SHISA9: variants seen among roughly 807,000 people sequenced by gnomAD.
SHISA9 encodes protein shisa-9.
Under a neutral mutation model 38.0 loss-of-function variants are expected in SHISA9, and 13 were observed. The observed-to-expected ratio is 0.34, with a 90% CI of 0.22 to 0.54. SHISA9 has a LOEUF of 0.54. Ranked by LOEUF, SHISA9 falls within the 20% of genes least tolerant of loss-of-function variation. The pLI is 0.91. For synonymous variants in SHISA9, 275 were observed against 242.0 expected (o/e 1.14, Z -1.27); for missense variants, 538 against 575.8 (o/e 0.93, Z 0.67).
At chr16:13,427,563 G>A in the SHISA9 span, among the ~76,000 whole-genome samples, 6 of 152,222 alleles carry the variant, frequency 3.9e-5, no homozygotes, top group African/African-American at 1.4e-4. Flanking sequence ...GGCTTGAGTT[G>A]AATGATGAAA....
intron 2 of SHISA9, among the ~76,000 whole-genome samples, chr16:12,996,078 T>C (rs1302401413): frequency 6.6e-6 from 1 of 152,208 alleles, no homozygotes; most frequent in Non-Finnish European, 1.5e-5. Flanking sequence ...AAAGGGGTGA[T>C]GTACACGTGC....
chr16:13,028,839 C>T (rs1824651633), intron 2 of SHISA9, among the ~76,000 whole-genome samples: 1 of 152,126 alleles, frequency 6.6e-6, no homozygotes, highest in Non-Finnish European at 1.5e-5. Context: ...TGGTGAAATT[C>T]TCTGATCGGT....
chr16:13,343,323 G>C, the SHISA9 span, among the ~76,000 whole-genome samples: 2 of 152,074 alleles, frequency 1.3e-5, no homozygotes, highest in Admixed American at 6.6e-5. Flanking sequence ...CTTAACATGT[G>C]ATCTCAATCT....
chr16:13,464,135 G>C, the SHISA9 span, among the ~76,000 whole-genome samples: 10 of 152,282 alleles, frequency 6.6e-5, no homozygotes, highest in African/African-American at 2.4e-4. Flanking sequence ...GGCATAATTA[G>C]ATTAACTCTG....
intron 2 of SHISA9, among the ~76,000 whole-genome samples, chr16:13,173,861 A>C (rs745375473): frequency 1.3e-5 from 2 of 152,194 alleles, no homozygotes; most frequent in African/African-American, 2.4e-5. Context: ...CATCTCACCC[A>C]GCTTGGAGGT....
rs1312507854 is a variant in SHISA9 at position 13,237,662 on chromosome 16, AAAAAAAAAAG to A, written c.*2265_*2274del. ...ACGGAGTGAGACTATCTCAAAAAAA[AAAAAAAAAAG>A]AAAAAAAAAGAGATCTTTCAAAGAA... On this transcript the variant is annotated 3_prime_UTR_variant, in exon 5 of 5. Transcript: ENST00000558583. The A allele has an allele frequency of 6.6e-6, 1 of 151,124 alleles. No individual in the cohort carries two copies. The highest frequency in any genetic ancestry group is 2.4e-5 in the African/African-American group (1 of 41,250). 9.4% of individuals were successfully genotyped at this position (151,124 alleles called of 1,614,324 possible).
chr16:13,389,043 G>A, the SHISA9 span, among the ~76,000 whole-genome samples: 18 of 151,986 alleles, frequency 1.2e-4, no homozygotes, highest in African/African-American at 3.6e-4. Context: ...CCACCAGAGC[G>A]GCACGTCTGC....
chr16:13,191,176 A>T (rs1031599009), intron 2 of SHISA9, among the ~76,000 whole-genome samples: 1 of 152,232 alleles, frequency 6.6e-6, no homozygotes, highest in Non-Finnish European at 1.5e-5. Context: ...AAGGTTAGAA[A>T]GAAAAACAGT....
chr16:13,211,560 C>A (rs1025647553), intron 3 of SHISA9, among the ~76,000 whole-genome samples: 1 of 152,180 alleles, frequency 6.6e-6, no homozygotes, highest in Admixed American at 6.5e-5. Flanking sequence ...CTTAGGTCTA[C>A]TTCCTCTTCA....
the SHISA9 span, among the ~76,000 whole-genome samples, chr16:13,558,776 C>CA: frequency 2.6e-5 from 4 of 152,056 alleles, no homozygotes; most frequent in Admixed American, 2.0e-4. Flanking sequence ...AAACAGACTA[C>CA]AAAAAAAGAT....
intron 2 of SHISA9, among the ~76,000 whole-genome samples, chr16:13,083,559 C>A (rs2073677636): frequency 6.6e-6 from 1 of 152,148 alleles, no homozygotes; most frequent in Non-Finnish European, 1.5e-5. Flanking sequence ...CCAGCTAGGT[C>A]AGCTATTCTT....
the SHISA9 span, among the ~76,000 whole-genome samples, chr16:13,363,238 A>C: frequency 6.6e-6 from 1 of 152,234 alleles, no homozygotes; most frequent in Non-Finnish European, 1.5e-5. Flanking sequence ...ATAACAATTT[A>C]ATATCACAAC....
chr16:13,381,741 G>A, the SHISA9 span, among the ~76,000 whole-genome samples: 1 of 152,132 alleles, frequency 6.6e-6, no homozygotes, highest in Non-Finnish European at 1.5e-5. Context: ...CTAACTAAGT[G>A]TATAGAAGAA....
In SHISA9 at chr16:13,127,396, AAGAG is replaced by A. The variant is rs1450546325; in HGVS notation, c.692-75992_692-75989del. Among the ~76,000 whole-genome samples, 5 of 126,290 alleles carry A rather than the reference AAGAG, an allele frequency of 4.0e-5. No individual in the cohort carries two copies. In the East Asian group the frequency reaches 1.4e-3, roughly 36 times the overall value. The allele number at this position is 126,290 out of a possible 152,430, so 82.9% of individuals were successfully genotyped here. On this transcript the variant is annotated intron_variant, in intron 2 of 4. Transcript: ENST00000558583. ...GAAAAGAGAGGGAGGGAGAGAGAGG[AAGAG>A]AGAGAAGGAGACAGAGGAGGAGGGA...
chr16:12,973,027 A>G (rs1297835853), intron 2 of SHISA9, among the ~76,000 whole-genome samples: 4 of 152,114 alleles, frequency 2.6e-5, no homozygotes, highest in African/African-American at 7.2e-5. Context: ...GAGGCAGGAG[A>G]ATCGCTTGAA....
the SHISA9 span, among the ~76,000 whole-genome samples, chr16:13,430,872 T>C: frequency 3.2e-4 from 48 of 151,816 alleles, no homozygotes; most frequent in South Asian, 1.0e-3. Context: ...TGAGCTATTA[T>C]TGTGTCACTG....
intron 2 of SHISA9, among the ~76,000 whole-genome samples, chr16:13,201,601 C>A (rs2051006608): frequency 7.5e-6 from 1 of 132,930 alleles, no homozygotes; most frequent in South Asian, 2.3e-4. Flanking sequence ...CCTATGTAGT[C>A]TAAAATGCTT....
At chr16:13,181,306 TATATATAC>T (rs1274030215) in intron 2 of SHISA9, among the ~76,000 whole-genome samples, 815 of 38,548 alleles carry the variant, frequency 0.021, 5 homozygotes, top group East Asian at 0.085. Flanking sequence ...TATATATATA[TATATATAC>T]ACACACACAC....
At chr16:12,983,699 A>G (rs868516965) in intron 2 of SHISA9, among the ~76,000 whole-genome samples, 6 of 152,202 alleles carry the variant, frequency 3.9e-5, no homozygotes, top group African/African-American at 1.4e-4. Context: ...CATGTTAGCC[A>G]GGATGGTCTC....
Sources: gnomAD v4.1 joint callset for allele counts (sites outside exome capture counted in the v4.1 genomes callset) on GRCh38, gnomAD v4.1.1 for gene constraint, MANE v1.5 for transcripts, NCBI Gene and HGNC (gene_info 2026-07-23, HGNC 2026-07-21) for gene names.